The following CCDC141 variants were observed in gnomAD, a reference collection of about 807,000 sequenced individuals.
CCDC141 encodes coiled-coil domain containing 141, also known as coiled-coil domain-containing protein 141.
CCDC141 carries 168 observed loss-of-function variants against 181.0 expected under a neutral mutation model. That is an observed-to-expected ratio of 0.93 (90% CI 0.82 to 1.05). The LOEUF is 1.05. Among genes scored for constraint, CCDC141 ranks in the 50% least tolerant of loss-of-function variants. The pLI is 0.00. For synonymous variants in CCDC141, 666 were observed against 642.3 expected, an observed-to-expected ratio of 1.04 and a Z score of -0.56; for missense variants, 1,902 against 1,788.5, an observed-to-expected ratio of 1.06 and a Z score of -1.14.
intron 12 of CCDC141, chr2:178,877,408 A>G (rs1349291979): frequency 6.6e-6 from 1 of 152,262 alleles, no homozygotes; most frequent in Non-Finnish European, 1.5e-5. Context: ...TACTTGAGGT[A>G]TTGAAAGAGA....
At position 178,975,174 on chromosome 2, in the gene CCDC141, G is replaced by C; in HGVS notation, c.418-9C>G. 1 of 1,298,554 alleles carries C rather than the reference G, an allele frequency of 7.7e-7. No homozygotes were observed. The highest frequency in any genetic ancestry group is 2.6e-5 in the East Asian group (1 of 38,682). 80.4% of individuals were successfully genotyped at this position (1,298,554 alleles called of 1,614,324 possible). On this transcript the variant is annotated splice_polypyrimidine_tract_variant and intron_variant, in intron 3 of 23. Coordinates refer to ENST00000443758, the MANE Select transcript of CCDC141 (RefSeq NM_173648.4). The stretch of plus-strand genomic sequence containing the variant: ...TCTATTTTAATAGCAAACTACAATA[G>C]AAATACAGAGGAAAGACATTTGACA...
At chr2:178,986,070 A>C (rs939151772) in intron 2 of CCDC141, among the ~76,000 whole-genome samples, 1 of 152,214 alleles carries the variant, frequency 6.6e-6, no homozygotes, top group African/African-American at 2.4e-5. Flanking sequence ...AATCCTCAAT[A>C]AAATACTGGC....
At chr2:178,985,180 C>T (rs1340886210) in intron 2 of CCDC141, among the ~76,000 whole-genome samples, 4 of 151,704 alleles carry the variant, frequency 2.6e-5, no homozygotes, top group East Asian at 1.9e-4. Context: ...AACAGCTCAA[C>T]GACATGGAAA....
At position 178,910,948 on chromosome 2, in the gene CCDC141, GAA is replaced by G. The variant is rs566226040; in HGVS notation, c.1093-5449_1093-5448del. ...AGCATTTTATCAACAAGGAATGGAGGAAGTTTATGCATTGACCATCTCTTGTT... is the reference window on the plus strand; with the variant it reads ...AGCATTTTATCAACAAGGAATGGAGGGTTTATGCATTGACCATCTCTTGTT... On this transcript the variant is annotated intron_variant, in intron 7 of 23. Coordinates refer to ENST00000443758, the MANE Select transcript of CCDC141 (RefSeq NM_173648.4). 3.3e-5 allele frequency among the ~76,000 whole-genome samples: 5 copies of G among 152,294 alleles called. No homozygotes were observed. In the South Asian group the frequency reaches 1.0e-3, roughly 32 times the overall value.
At chr2:179,009,199 C>A (rs1285981685) in intron 2 of CCDC141, among the ~76,000 whole-genome samples, 1 of 152,160 alleles carries the variant, frequency 6.6e-6, no homozygotes, top group Non-Finnish European at 1.5e-5. Context: ...CTATACCCTC[C>A]TTTTCCTTGT....
rs757874345 is a variant in CCDC141, at chr2:178,869,179, T to A, written c.2332A>T (p.Arg778Ter). The change falls in exon 15 of 24, where the codon AGA becomes TGA. Residue 778 changes from arginine to a stop codon, truncating the protein, a stop_gained. Coordinates refer to ENST00000443758, the MANE Select transcript of CCDC141 (RefSeq NM_173648.4). LOFTEE classifies it high-confidence loss of function. ...AGGATATCCTCGTAATCCTGGATTC[T>A]CTCTTTCTGTTTTTGATGGAAGTGA... is the stretch of plus-strand genomic sequence containing the variant. ...LIHFHQKQKERIQDYEDILYK... is the reference protein window; with the variant it reads ...LIHFHQKQKE The A allele has an allele frequency of 1.2e-6, 2 of 1,613,610 alleles. No individual in the cohort carries two copies. The highest frequency in any genetic ancestry group is 1.7e-6 in the Non-Finnish European group (2 of 1,179,786).
chr2:178,892,350 A>T (rs1223726295), intron 8 of CCDC141, among the ~76,000 whole-genome samples: 1 of 152,086 alleles, frequency 6.6e-6, no homozygotes, highest in Admixed American at 6.6e-5. Flanking sequence ...CGGGAAGAGA[A>T]GTTTTCATTC....
At position 178,894,300 on chromosome 2, in the gene CCDC141, G is replaced by A. The variant is rs1052419881; in HGVS notation, c.1266-5632C>T. Among the ~76,000 whole-genome samples, 5 of 151,966 alleles carry A rather than the reference G, an allele frequency of 3.3e-5. No individual in the cohort carries two copies. The Admixed American group carries it at 3.3e-4, about 10-fold the overall frequency. On this transcript the variant is annotated intron_variant, in intron 8 of 23. Coordinates refer to ENST00000443758, the MANE Select transcript of CCDC141 (RefSeq NM_173648.4). ...CTGCAAAGCTGCTAAGGAGGAAAGA[G>A]CAAAGAGAGAAGCAAGCAAGCAAAA...
At chr2:178,954,373 G>A (rs1391921758) in intron 5 of CCDC141, among the ~76,000 whole-genome samples, 1 of 152,108 alleles carries the variant, frequency 6.6e-6, no homozygotes, top group Non-Finnish European at 1.5e-5. Context: ...AAACAAGAGT[G>A]CATTTTTATA....
At chr2:178,944,233 C>G (rs1178161054) in intron 6 of CCDC141, among the ~76,000 whole-genome samples, 1 of 152,126 alleles carries the variant, frequency 6.6e-6, no homozygotes, top group Admixed American at 6.5e-5. Context: ...ATACCTCCCC[C>G]TTAGGGGTTT....
chr2:178,915,711 T>C (rs1461356413), intron 7 of CCDC141: 1 of 152,220 alleles, frequency 6.6e-6, no homozygotes, highest in African/African-American at 2.4e-5. Flanking sequence ...ATCTCACTGG[T>C]AGGTCAAGAA....
chr2:178,868,394 G>A (rs1424541289), intron 15 of CCDC141, among the ~76,000 whole-genome samples, 189 bp from the exon 16 acceptor site: 2 of 152,044 alleles, frequency 1.3e-5, no homozygotes, highest in African/African-American at 2.4e-5. Flanking sequence ...AACTGCTAAC[G>A]TTGTCAGTTC....
At chr2:179,013,793 C>G (rs1258334374) in intron 2 of CCDC141, among the ~76,000 whole-genome samples, 2 of 151,304 alleles carry the variant, frequency 1.3e-5, no homozygotes, top group Non-Finnish European at 2.9e-5. Flanking sequence ...TGGTGAAACC[C>G]CATCTCTACT....
chr2:178,892,215 A>G (rs1575178234), intron 8 of CCDC141, among the ~76,000 whole-genome samples: 1 of 117,404 alleles, frequency 8.5e-6, no homozygotes, highest in Admixed American at 8.6e-5. Flanking sequence ...TATCATGTGT[A>G]GTTTGGCTCA....
intron 6 of CCDC141, among the ~76,000 whole-genome samples, chr2:178,936,920 G>T (rs951954149): frequency 6.6e-6 from 1 of 152,116 alleles, no homozygotes; most frequent in Non-Finnish European, 1.5e-5. Context: ...GTATAGGAAT[G>T]CTAATTATTT....
At chr2:178,965,012 T>C (rs1222690103) in intron 4 of CCDC141, among the ~76,000 whole-genome samples, 3 of 152,204 alleles carry the variant, frequency 2.0e-5, no homozygotes, top group Non-Finnish European at 4.4e-5. Context: ...TTGCCACAAT[T>C]ATTAAGTATA....
chr2:178,871,634 T>C, intron 13 of CCDC141, 82 bp from the exon 14 acceptor site: 3 of 1,479,436 alleles, frequency 2.0e-6, no homozygotes, highest in East Asian at 2.4e-5. Context: ...TGACGCAGAG[T>C]GTGATCAAAT....
intron 3 of CCDC141, among the ~76,000 whole-genome samples, chr2:178,977,958 T>C (rs1457054224): frequency 6.6e-6 from 1 of 152,206 alleles, no homozygotes; most frequent in African/African-American, 2.4e-5. Context: ...TCTTGTATTG[T>C]AAGGTGTTCA....
intron 5 of CCDC141, among the ~76,000 whole-genome samples, chr2:178,958,878 CTT>C (rs757650351): frequency 1.6e-4 from 21 of 132,136 alleles, no homozygotes; most frequent in Non-Finnish European, 1.3e-4. Flanking sequence ...CTTTGATGAG[CTT>C]TTTTTTTTTT....
Sources: gnomAD v4.1 joint callset for allele counts (sites outside exome capture counted in the v4.1 genomes callset) on GRCh38, gnomAD v4.1.1 for gene constraint, MANE v1.5 for transcripts, NCBI Gene and HGNC (gene_info 2026-07-23, HGNC 2026-07-21) for gene names.